The following SYTL4 variants were observed in gnomAD, a reference collection of about 807,000 sequenced individuals.
SYTL4 encodes the protein synaptotagmin-like protein 4.
SYTL4 carries 16 observed loss-of-function variants against 52.7 expected under a neutral mutation model. The ratio of observed to expected loss-of-function variants is 0.30; its 90% CI spans 0.21 to 0.46. The LOEUF (loss-of-function observed/expected upper bound fraction) is 0.46, where lower values mean the gene tolerates loss of function less well. SYTL4 is among the 20% of genes least tolerant of loss of function. SYTL4 has a pLI of 1.00. For missense variants in SYTL4, 423 were observed against 519.9 expected, an observed-to-expected ratio of 0.81 and a Z score of 1.81; for synonymous variants, 160 against 186.6, an observed-to-expected ratio of 0.86 and a Z score of 1.16.
Position 100,724,882 on chromosome X carries a change from A to AAAAAAG in SYTL4, c.-240+6535_-240+6536insCTTTTT, listed in dbSNP as rs1216579694. On this transcript the variant is annotated intron_variant, in intron 2 of 19. Transcript: ENST00000372989. ...AGAATGATCAATAAAAAGAAAAAAG[A>AAAAAAG]AAAAAAAAAAAAGAAGAAGGTACTG... Among the ~76,000 whole-genome samples, 209 of 101,656 alleles carry AAAAAAG rather than the reference A, an allele frequency of 2.1e-3. 2 individuals are homozygous for AAAAAAG. Among genetic ancestry groups the AAAAAAG allele is most frequent in the Middle Eastern group, 5.1e-3 (1 of 195 alleles). 88.3% of individuals were successfully genotyped at this position (101,656 alleles called of 115,157 possible).
At chrX:100,708,580 C>T (rs1056533091) in intron 2 of SYTL4, among the ~76,000 whole-genome samples, 4 of 112,007 alleles carry the variant, frequency 3.6e-5, no homozygotes, top group African/African-American at 1.3e-4. Flanking sequence ...GGTGAGCTAT[C>T]TCAAATTATT....
At position 100,701,689 on chromosome X, in the gene SYTL4, A is replaced by C; in HGVS notation, c.111-16T>G. On this transcript the variant is annotated splice_polypyrimidine_tract_variant and intron_variant, in intron 5 of 19. Transcript: ENST00000372989. ...CTTTAGTCGCCTGCCAAGACCCAAA[A>C]CAGAAGCGTAAGTGGATTCAGGATA... 1 of 1,191,807 alleles carries C rather than the reference A, an allele frequency of 8.4e-7. No individual in the cohort carries two copies. The highest frequency in any genetic ancestry group is 1.1e-6 in the Non-Finnish European group (1 of 877,913).
chrX:100,721,714 G>A (rs992571284), intron 2 of SYTL4, among the ~76,000 whole-genome samples: 1 of 111,166 alleles, frequency 9.0e-6, no homozygotes, highest in African/African-American at 3.3e-5. Context: ...TTCTTGGATG[G>A]GGGCAGTCTT....
At chrX:100,691,242 G>C (rs767633149) in intron 8 of SYTL4, 33 bp from the exon 9 acceptor site, 41 of 1,087,939 alleles carry the variant, frequency 3.8e-5, no homozygotes, top group Non-Finnish European at 5.2e-5. Context: ...ATATTGAAAG[G>C]AAGCAGGTTC....
chrX:100,704,321 A>G (rs1164326046), intron 3 of SYTL4, among the ~76,000 whole-genome samples: 1 of 112,031 alleles, frequency 8.9e-6, no homozygotes, highest in Non-Finnish European at 1.9e-5. Flanking sequence ...ACCCACCTCA[A>G]ACGTTGTTTA....
At chrX:100,681,394 C>G in intron 16 of SYTL4, 59 bp from the exon 17 acceptor site, 3 of 957,909 alleles carry the variant, frequency 3.1e-6, no homozygotes, top group Non-Finnish European at 1.5e-6. Context: ...GTTGGGACTT[C>G]TCTCTGAAAA....
chrX:100,714,263 ATTT>A (rs373405140), intron 2 of SYTL4, among the ~76,000 whole-genome samples: 6 of 96,472 alleles, frequency 6.2e-5, no homozygotes, highest in African/African-American at 1.5e-4. Context: ...TTATGTCAAG[ATTT>A]TTTTTTTTTT....
chrX:100,714,629 A>G (rs2084163111), intron 2 of SYTL4, among the ~76,000 whole-genome samples: 1 of 112,156 alleles, frequency 8.9e-6, no homozygotes, highest in Non-Finnish European at 1.9e-5. Flanking sequence ...CAGTTTTGTT[A>G]TCTAAAAGAT....
chrX:100,677,477 C>T (rs1034312286), intron 19 of SYTL4, among the ~76,000 whole-genome samples: 1 of 111,654 alleles, frequency 9.0e-6, no homozygotes, highest in Non-Finnish European at 1.9e-5. Flanking sequence ...CTATATGCTT[C>T]ATGTTAAATA....
At position 100,726,491 on chromosome X, in the gene SYTL4, A is replaced by G. The variant is rs2084521068; in HGVS notation, c.-240+4927T>C. 2.8e-5 allele frequency among the ~76,000 whole-genome samples: 3 copies of G among 109,078 alleles called. No individual in the cohort carries two copies. In the Admixed American group the frequency reaches 3.0e-4, roughly 11 times the overall value. The allele number at this position is 109,078 out of a possible 115,157, so 94.7% of individuals were successfully genotyped here. On this transcript the variant is annotated intron_variant, in intron 2 of 19. Coordinates refer to ENST00000372989, the MANE Select transcript of SYTL4 (RefSeq NM_001370165.1). ...CCTCCACAGGTACTTCCTTCTCCAT[A>G]GTTTTTACCAAGAGGATTGGTGAAT...
At chrX:100,710,645 T>A (rs1000531852) in intron 2 of SYTL4, among the ~76,000 whole-genome samples, 1 of 112,290 alleles carries the variant, frequency 8.9e-6, no homozygotes, top group Non-Finnish European at 1.9e-5. Context: ...AATGAAGGAT[T>A]ATGATTTCTG....
At chrX:100,695,761 G>C (rs2083692618) in intron 8 of SYTL4, among the ~76,000 whole-genome samples, 3 of 111,922 alleles carry the variant, frequency 2.7e-5, no homozygotes, top group Non-Finnish European at 5.6e-5. Context: ...GTGACATTTT[G>C]ACAAATGTAG....
At chrX:100,729,387 G>A (rs894936393) in intron 2 of SYTL4, among the ~76,000 whole-genome samples, 1 of 111,152 alleles carries the variant, frequency 9.0e-6, no homozygotes, top group African/African-American at 3.3e-5. Context: ...GGGAGTGGGA[G>A]GGCAGACAAT....
chrX:100,681,210 C>A lies in SYTL4; in HGVS notation c.1558+17G>T. 8.5e-7 allele frequency: 1 copy of A among 1,177,633 alleles called. No homozygotes were observed. The highest frequency in any genetic ancestry group is 1.2e-6 in the Non-Finnish European group (1 of 865,089). On this transcript the variant is annotated intron_variant, in intron 17 of 19. Coordinates refer to ENST00000372989, the MANE Select transcript of SYTL4 (RefSeq NM_001370165.1). ...GCAGAAGACTAAGCTACATCCAGGA[C>A]CCCAAAGAAAACTCACTCTTTTTCC...
chrX:100,705,844 C>T (rs2083946324), intron 2 of SYTL4, among the ~76,000 whole-genome samples: 1 of 111,541 alleles, frequency 9.0e-6, no homozygotes, highest in Non-Finnish European at 1.9e-5. Context: ...CCAGAACTGC[C>T]CCCTCTGAAA....
Position 100,689,754 on chromosome X carries a change from C to T in SYTL4, c.912+102G>A. 5 of 381,186 alleles carry T rather than the reference C, an allele frequency of 1.3e-5. No homozygotes were observed. In the South Asian group the frequency reaches 3.0e-4, roughly 23 times the overall value. The allele number at this position is 381,186 out of a possible 1,213,427, so 31.4% of individuals were successfully genotyped here. A position where few individuals can be genotyped will look rare whatever the true frequency, so the allele number is the denominator to read the frequency against. On this transcript the variant is annotated intron_variant, in intron 12 of 19. Coordinates refer to ENST00000372989, the MANE Select transcript of SYTL4 (RefSeq NM_001370165.1). ...GGTATCAAGTTTCATGTTGCCTTTTCTTAAAGAATTAAATAGGTTGACTGA... is the reference window on the plus strand; with the variant it reads ...GGTATCAAGTTTCATGTTGCCTTTTTTTAAAGAATTAAATAGGTTGACTGA...
intron 17 of SYTL4, among the ~76,000 whole-genome samples, chrX:100,679,648 T>A (rs939165959): frequency 1.8e-5 from 2 of 112,261 alleles, no homozygotes; most frequent in African/African-American, 6.5e-5. Context: ...ATGTGCCAGA[T>A]ACCATGTTAA....
chrX:100,699,398 GAA>G lies in SYTL4; in HGVS notation c.539+1497_539+1498del, dbSNP rs780125378. Among the ~76,000 whole-genome samples, 215 of 56,945 alleles carry G rather than the reference GAA, an allele frequency of 3.8e-3. 2 individuals are homozygous for G. Among genetic ancestry groups the G allele is most frequent in the African/African-American group, 0.013 (201 of 15,053 alleles). 49.4% of individuals were successfully genotyped at this position (56,945 alleles called of 115,157 possible). A position where few individuals can be genotyped will look rare whatever the true frequency, so the allele number is the denominator to read the frequency against. The stretch of plus-strand genomic sequence containing the variant: ...AAAAGAAAAGAAAAAGAAAAGAAAA[GAA>G]AAAAGAAAAGAAAAGAAAAAAAAAG... On this transcript the variant is annotated intron_variant, in intron 8 of 19. Transcript: ENST00000372989.
At chrX:100,707,142 G>A (rs2083973244) in intron 2 of SYTL4, among the ~76,000 whole-genome samples, 1 of 111,524 alleles carries the variant, frequency 9.0e-6, no homozygotes, top group Non-Finnish European at 1.9e-5. Flanking sequence ...TCCAACTGGA[G>A]AATTACATTA....
Sources: allele counts gnomAD v4.1 joint callset (sites outside exome capture counted in the v4.1 genomes callset), GRCh38; gene constraint gnomAD v4.1.1; transcripts MANE v1.5; gene names NCBI Gene and HGNC (gene_info 2026-07-23, HGNC 2026-07-21).